Variants in FRMD6 observed in about 807,000 individuals in gnomAD.
The protein encoded by FRMD6 is FERM domain containing 6.
FRMD6 carries 37 observed loss-of-function variants against 73.2 expected under a neutral mutation model. That is an observed-to-expected ratio of 0.51 (90% CI 0.39 to 0.66). The LOEUF is 0.66. Ranked by LOEUF, FRMD6 falls within the 30% of genes least tolerant of loss-of-function variation. The pLI, the probability that FRMD6 is intolerant of heterozygous loss-of-function variation, is 0.00. For synonymous variants in FRMD6, 273 were observed against 282.2 expected, an observed-to-expected ratio of 0.97 and a Z score of 0.33; for missense variants, 714 against 780.5, an observed-to-expected ratio of 0.91 and a Z score of 1.02.
In FRMD6 at chr14:51,701,063, A is replaced by G. The variant is rs894259356; in HGVS notation, c.198A>G (p.Glu66=). The G allele has an allele frequency of 1.0e-5, 15 of 1,498,982 alleles. No homozygotes were observed. The African/African-American group carries it at 1.5e-4, about 15-fold the overall frequency. 92.9% of individuals were successfully genotyped at this position (1,498,982 alleles called of 1,614,324 possible). A position where few individuals can be genotyped will look rare whatever the true frequency, so the allele number is the denominator to read the frequency against. ...LFGLSVIQNN[E]HVYMELSQKL... ...CTTTTTTTTAATGTACAGATAATGA[A>G]CATGTGTATATGGAGTTGTCACAAA... Residue 66 remains glutamate, a synonymous_variant, in exon 4 of 14, where the codon GAA becomes GAG. Transcript: ENST00000344768.
chr14:51,681,032 A>G (rs1160498961), intron 1 of FRMD6, among the ~76,000 whole-genome samples: 1 of 152,174 alleles, frequency 6.6e-6, no homozygotes, highest in Non-Finnish European at 1.5e-5. Flanking sequence ...CGATTTCACT[A>G]ATTTTTCTCT....
chr14:51,583,387 C>T (rs570195360), intron 2 of FRMD6, among the ~76,000 whole-genome samples: 7 of 152,198 alleles, frequency 4.6e-5, no homozygotes, highest in East Asian at 1.9e-4. Flanking sequence ...TAGAAAATAG[C>T]GAAGATCCTT....
chr14:51,466,606 G>A, the FRMD6 span, among the ~76,000 whole-genome samples: 30 of 152,230 alleles, frequency 2.0e-4, no homozygotes, highest in African/African-American at 6.3e-4. Flanking sequence ...ATTTATTGAT[G>A]TATGTATCTT....
the FRMD6 span, among the ~76,000 whole-genome samples, chr14:51,441,551 A>G: frequency 6.6e-6 from 1 of 152,212 alleles, no homozygotes; most frequent in East Asian, 1.9e-4. Context: ...AGGGGAATTG[A>G]ACCAAAATAC....
chr14:51,415,244 A>G, the FRMD6 span, among the ~76,000 whole-genome samples: 1 of 152,180 alleles, frequency 6.6e-6, no homozygotes, highest in African/African-American at 2.4e-5. Context: ...TTCAAAGGGA[A>G]TGCTTCCAGT....
At chr14:51,399,765 A>G in the FRMD6 span, among the ~76,000 whole-genome samples, 3 of 152,004 alleles carry the variant, frequency 2.0e-5, no homozygotes, top group Admixed American at 2.0e-4. Flanking sequence ...TTATTGATTG[A>G]CTCTCATAGA....
chr14:51,599,888 G>A (rs540493204), intron 2 of FRMD6: 1 of 148,354 alleles, frequency 6.7e-6, no homozygotes, highest in East Asian at 2.0e-4. Context: ...GCCTCTGAGT[G>A]TACCCATGGA....
chr14:51,718,384 A>G (rs1897347958), intron 10 of FRMD6, among the ~76,000 whole-genome samples: 1 of 152,244 alleles, frequency 6.6e-6, no homozygotes, highest in African/African-American at 2.4e-5. Flanking sequence ...GGCTATATGT[A>G]AAGATACAGA....
chr14:51,554,483 C>T lies in FRMD6; in HGVS notation c.-209-15865C>T, dbSNP rs535136735. Among the ~76,000 whole-genome samples the T allele has an allele frequency of 2.8e-4, 43 of 152,242 alleles. 1 individual carries two copies. The South Asian group carries it at 8.1e-3, about 29-fold the overall frequency. On this transcript the variant is annotated intron_variant, in intron 1 of 14. Transcript: ENST00000356218. The stretch of plus-strand genomic sequence containing the variant: ...GAAACCTTACAAACAGTACCTCAAC[C>T]GGGTGCTCAAGATCACCAGCACAGT...
chr14:51,716,509 A>G (rs1897249908), intron 10 of FRMD6, among the ~76,000 whole-genome samples: 1 of 152,142 alleles, frequency 6.6e-6, no homozygotes, highest in Non-Finnish European at 1.5e-5. Context: ...TCCTTTAGAA[A>G]CCAGGCAAAT....
the FRMD6 span, among the ~76,000 whole-genome samples, chr14:51,434,534 A>AT: frequency 6.6e-6 from 1 of 152,096 alleles, no homozygotes; most frequent in East Asian, 1.9e-4. Context: ...AATTGTAATA[A>AT]GTATCTATGG....
chr14:51,477,742 T>C, the FRMD6 span, among the ~76,000 whole-genome samples: 1 of 5,530 alleles, frequency 1.8e-4, no homozygotes, highest in Admixed American at 2.5e-3. Context: ...TTTTTCTTTT[T>C]TTTTTTTTTT....
At chr14:51,629,293 T>C (rs144194011) in intron 2 of FRMD6, among the ~76,000 whole-genome samples, 1,634 of 152,342 alleles carry the variant, frequency 0.011, 75 homozygotes, top group Admixed American at 0.081. Flanking sequence ...TGAAGGACAT[T>C]TGTTTCCAAC....
At chr14:51,583,265 G>A (rs1444672932) in intron 2 of FRMD6, among the ~76,000 whole-genome samples, 2 of 152,120 alleles carry the variant, frequency 1.3e-5, no homozygotes, top group Non-Finnish European at 2.9e-5. Context: ...AGTGCACCAG[G>A]TAAGGCCTCC....
chr14:51,437,945 C>T, the FRMD6 span, among the ~76,000 whole-genome samples: 1 of 152,340 alleles, frequency 6.6e-6, no homozygotes, highest in Non-Finnish European at 1.5e-5. Context: ...GCACAGAATT[C>T]TAGCTTCTTT....
At chr14:51,399,746 A>G in the FRMD6 span, among the ~76,000 whole-genome samples, 80 of 152,244 alleles carry the variant, frequency 5.3e-4, no homozygotes, top group African/African-American at 1.9e-3. Context: ...TATTCTGGTT[A>G]TATTTATATT....
chr14:51,424,095 A>C, the FRMD6 span, among the ~76,000 whole-genome samples: 1 of 152,246 alleles, frequency 6.6e-6, no homozygotes, highest in Non-Finnish European at 1.5e-5. Flanking sequence ...CTCAAACTGC[A>C]TAGTGATCAT....
At chr14:51,704,094 T>C (rs1352074210) in intron 5 of FRMD6, among the ~76,000 whole-genome samples, 2 of 152,116 alleles carry the variant, frequency 1.3e-5, no homozygotes, top group East Asian at 1.9e-4. Flanking sequence ...TGTCGTGACA[T>C]GTGCCTGTAA....
At chr14:51,407,041 G>A in the FRMD6 span, among the ~76,000 whole-genome samples, 1 of 152,024 alleles carries the variant, frequency 6.6e-6, no homozygotes, top group East Asian at 1.9e-4. Flanking sequence ...CACATGGATA[G>A]TTATATTAAC....
Sources: gnomAD v4.1 joint callset for allele counts (sites outside exome capture counted in the v4.1 genomes callset) on GRCh38, gnomAD v4.1.1 for gene constraint, MANE v1.5 for transcripts, NCBI Gene and HGNC (gene_info 2026-07-23, HGNC 2026-07-21) for gene names.